SGCZ: variants seen among roughly 807,000 people sequenced by gnomAD.
SGCZ encodes the protein zeta-sarcoglycan.
Under a neutral mutation model 41.3 loss-of-function variants are expected in SGCZ, and 40 were observed. That is an observed-to-expected ratio of 0.97 (90% CI 0.75 to 1.26). The LOEUF is 1.26. SGCZ is among the 50% of genes most tolerant of loss of function. The pLI, the probability that SGCZ is intolerant of heterozygous loss-of-function variation, is 0.00. For synonymous variants in SGCZ, 206 were observed against 137.5 expected, an observed-to-expected ratio of 1.50 and a Z score of -3.49; for missense variants, 552 against 369.8, an observed-to-expected ratio of 1.49 and a Z score of -4.04.
chr8:15,071,483 T>C (rs1805348170), intron 1 of SGCZ, among the ~76,000 whole-genome samples: 1 of 152,198 alleles, frequency 6.6e-6, no homozygotes, highest in South Asian at 2.1e-4. Context: ...TGTAATTTGA[T>C]TCAAATATTT....
At chr8:14,290,731 G>C (rs903558795) in intron 3 of SGCZ, among the ~76,000 whole-genome samples, 1 of 65,074 alleles carries the variant, frequency 1.5e-5, no homozygotes, top group Non-Finnish European at 4.1e-5. Context: ...ATACACTGCT[G>C]GTGGGAATGT....
In SGCZ at chr8:14,084,971, A is replaced by G. The variant is rs1801483862; in HGVS notation, c.*5472T>C. Among the ~76,000 whole-genome samples, 1 of 151,772 alleles carries G rather than the reference A, an allele frequency of 6.6e-6. No individual in the cohort carries two copies. Among genetic ancestry groups the G allele is most frequent in the Admixed American group, 6.6e-5 (1 of 15,162 alleles). ...TTATATGAGCTCATTGCATGCTTCA[A>G]AAGGTCTCATTTCAGAGAAAAAAAG... On this transcript the variant is annotated 3_prime_UTR_variant, in exon 8 of 8. Coordinates refer to ENST00000382080, the MANE Select transcript of SGCZ (RefSeq NM_139167.4).
intron 5 of SGCZ, among the ~76,000 whole-genome samples, chr8:14,132,531 T>C (rs1357776729): frequency 2.6e-5 from 4 of 152,242 alleles, no homozygotes; most frequent in Admixed American, 6.5e-5. Flanking sequence ...TTTTATACTT[T>C]CTATTTAACA....
intron 2 of SGCZ, among the ~76,000 whole-genome samples, chr8:14,525,822 T>C (rs1455684297): frequency 6.6e-6 from 1 of 152,082 alleles, no homozygotes; most frequent in Non-Finnish European, 1.5e-5. Context: ...AGGATGTAAA[T>C]GAACACAGTG....
rs73529494 is a variant in SGCZ at position 14,296,299 on chromosome 8, G to A, written c.336+27804C>T. Reference sequence around the variant, plus strand: ...TAAAAACTACTACACATGGAGAGAAGCAGCAATCCATGATCCATACCCAGG... The same window carrying A: ...TAAAAACTACTACACATGGAGAGAAACAGCAATCCATGATCCATACCCAGG... On this transcript the variant is annotated intron_variant, in intron 3 of 7. Coordinates refer to ENST00000382080, the MANE Select transcript of SGCZ (RefSeq NM_139167.4). 6.2e-3 allele frequency among the ~76,000 whole-genome samples: 940 copies of A among 152,242 alleles called. 8 individuals are homozygous for A. The highest frequency in any genetic ancestry group is 0.022 in the African/African-American group (899 of 41,534).
intron 3 of SGCZ, among the ~76,000 whole-genome samples, chr8:14,240,469 T>C (rs1378855594): frequency 6.6e-6 from 1 of 152,162 alleles, no homozygotes; most frequent in African/African-American, 2.4e-5. Context: ...ACTCTTCCCT[T>C]CTTTTCATAT....
In SGCZ at chr8:14,100,209, G is replaced by A. The variant is rs182584270; in HGVS notation, c.744+2167C>T. Among the ~76,000 whole-genome samples, 3 of 151,672 alleles carry A rather than the reference G, an allele frequency of 2.0e-5. No homozygotes were observed. The East Asian group carries it at 5.8e-4, about 29-fold the overall frequency. On this transcript the variant is annotated intron_variant, in intron 7 of 7. Coordinates refer to ENST00000382080, the MANE Select transcript of SGCZ (RefSeq NM_139167.4). ...AAAAAAACCACAGATGAAAACCTGT[G>A]GCTATGATTTATTTACAGCACAATA...
At chr8:15,177,898 A>C (rs1481587768) in intron 1 of SGCZ, among the ~76,000 whole-genome samples, 1 of 152,174 alleles carries the variant, frequency 6.6e-6, no homozygotes, top group African/African-American at 2.4e-5. Context: ...CCTAAAGTTC[A>C]GCCTCCTGAT....
intron 5 of SGCZ, among the ~76,000 whole-genome samples, chr8:14,111,696 A>AAAAC (rs1162901058): frequency 6.6e-6 from 1 of 152,208 alleles, no homozygotes; most frequent in Non-Finnish European, 1.5e-5. Context: ...TTGTCAGAAT[A>AAAAC]AAACTAAGAA....
chr8:15,024,073 T>G (rs1041913507), intron 1 of SGCZ, among the ~76,000 whole-genome samples: 2 of 152,350 alleles, frequency 1.3e-5, no homozygotes, highest in Middle Eastern at 3.4e-3. Context: ...TCTTGAGCAT[T>G]ATAAGACCAA....
chr8:14,993,491 A>G (rs1050484145), intron 1 of SGCZ, among the ~76,000 whole-genome samples: 9 of 152,194 alleles, frequency 5.9e-5, no homozygotes, highest in African/African-American at 2.2e-4. Context: ...TCATTTCAGA[A>G]GATGATGAGT....
intron 1 of SGCZ, among the ~76,000 whole-genome samples, chr8:14,833,429 G>A (rs868197515): frequency 6.6e-6 from 1 of 152,134 alleles, no homozygotes; most frequent in Admixed American, 6.5e-5. Flanking sequence ...GTCTTTTTGT[G>A]AGGTATTTTA....
intron 1 of SGCZ, among the ~76,000 whole-genome samples, chr8:15,041,196 C>T (rs964900247): frequency 5.3e-5 from 8 of 151,244 alleles, no homozygotes; most frequent in African/African-American, 1.9e-4. Context: ...ATTAATATTT[C>T]CTCATGATCT....
At chr8:14,525,168 A>C (rs1802906756) in intron 2 of SGCZ, among the ~76,000 whole-genome samples, 1 of 112,284 alleles carries the variant, frequency 8.9e-6, no homozygotes, top group African/African-American at 6.4e-5. Context: ...AGATAGATAG[A>C]TAGATAGATA....
intron 1 of SGCZ, among the ~76,000 whole-genome samples, chr8:14,572,615 G>C (rs192286562): frequency 1.4e-3 from 214 of 152,234 alleles, no homozygotes; most frequent in African/African-American, 4.9e-3. Context: ...GGAGGCTTTT[G>C]ATTCCTGAAC....
At chr8:14,335,325 C>A (rs1372684666) in intron 2 of SGCZ, among the ~76,000 whole-genome samples, 3 of 151,928 alleles carry the variant, frequency 2.0e-5, no homozygotes, top group African/African-American at 7.2e-5. Context: ...TTTAAAAGAC[C>A]CTATAAGCTT....
intron 1 of SGCZ, among the ~76,000 whole-genome samples, chr8:15,052,477 G>T (rs947379398): frequency 6.6e-6 from 1 of 152,084 alleles, no homozygotes; most frequent in African/African-American, 2.4e-5. Context: ...GAGTAGAGGG[G>T]GATCTGTGCA....
chr8:14,240,360 T>C (rs1046898825), intron 3 of SGCZ, among the ~76,000 whole-genome samples: 4 of 141,122 alleles, frequency 2.8e-5, no homozygotes, highest in African/African-American at 7.9e-5. Flanking sequence ...AAAAAAGAAC[T>C]GAAAGTTTAA....
chr8:14,568,283 G>A (rs1460864357), intron 1 of SGCZ, among the ~76,000 whole-genome samples: 1 of 152,068 alleles, frequency 6.6e-6, no homozygotes, highest in Non-Finnish European at 1.5e-5. Context: ...CCTAATGCAT[G>A]TAGGGCTTGA....
Sources: gnomAD v4.1 joint callset for allele counts (sites outside exome capture counted in the v4.1 genomes callset) on GRCh38, gnomAD v4.1.1 for gene constraint, MANE v1.5 for transcripts, NCBI Gene and HGNC (gene_info 2026-07-23, HGNC 2026-07-21) for gene names.